Variants in WSCD2 observed in about 807,000 individuals in gnomAD.
WSCD2 encodes WSC domain sialate O sulfotransferase 2, also known as sialate:O-sulfotransferase 2.
WSCD2 carries 28 observed loss-of-function variants against 55.7 expected under a neutral mutation model. The observed-to-expected ratio is 0.50, with a 90% confidence interval of 0.37 to 0.69. The LOEUF (loss-of-function observed/expected upper bound fraction) is 0.69. Ranked by LOEUF, WSCD2 falls within the 30% of genes least tolerant of loss-of-function variation. WSCD2 has a pLI of 0.00. For synonymous variants in WSCD2, 301 were observed against 301.9 expected (o/e 1.00, Z 0.03); for missense variants, 616 against 762.1 (o/e 0.81, Z 2.26).
chr12:108,236,061 C>T (rs959439998), intron 7 of WSCD2, among the ~76,000 whole-genome samples: 14 of 152,210 alleles, frequency 9.2e-5, no homozygotes, highest in Admixed American at 9.2e-4. Flanking sequence ...GTATAATGAG[C>T]TCTTTGTAGT....
chr12:108,186,297 C>T (rs929426222), intron 1 of WSCD2, among the ~76,000 whole-genome samples: 1 of 152,192 alleles, frequency 6.6e-6, no homozygotes, highest in South Asian at 2.1e-4. Flanking sequence ...CAGCCTCCCC[C>T]TCCATCAACA....
intron 1 of WSCD2, among the ~76,000 whole-genome samples, chr12:108,179,452 C>T (rs770302048): frequency 6.6e-5 from 10 of 152,200 alleles, no homozygotes; most frequent in Admixed American, 2.0e-4. Context: ...GCAGCAAGCA[C>T]GTGGCTAATG....
chr12:108,184,651 T>C (rs1011414573), intron 1 of WSCD2, among the ~76,000 whole-genome samples: 3 of 152,090 alleles, frequency 2.0e-5, no homozygotes, highest in African/African-American at 7.2e-5. Flanking sequence ...AGCCCCCGGG[T>C]TCCTCATCTG....
intron 8 of WSCD2, chr12:108,244,699 C>G (rs1252037323): frequency 2.9e-6 from 2 of 682,958 alleles, no homozygotes; most frequent in Non-Finnish European, 2.7e-6. Flanking sequence ...CCCCAGCAGT[C>G]TGACTGCAGA....
rs1886022506 is a variant in WSCD2 at position 108,210,558 on chromosome 12, T to C, written c.682+253T>C. Among the ~76,000 whole-genome samples the C allele has an allele frequency of 6.6e-6, 1 of 152,180 alleles. No individual in the cohort carries two copies. The highest frequency in any genetic ancestry group is 2.1e-4 in the South Asian group (1 of 4,830). The stretch of plus-strand genomic sequence containing the variant: ...CTGGTTCCAGCTGTATCCCTCATTC[T>C]CACCAGTCTTCCTCCTTCTGAAACT... On this transcript the variant is annotated intron_variant, in intron 4 of 8. Coordinates refer to ENST00000547525, the MANE Select transcript of WSCD2 (RefSeq NM_014653.4). This position sits in a 1 kb window ranked among gnomAD's most constrained non-coding sequence, Gnocchi z 4.3.
intron 1 of WSCD2, among the ~76,000 whole-genome samples, chr12:108,148,304 C>T (rs984326956): frequency 2.0e-5 from 3 of 152,208 alleles, no homozygotes; most frequent in Non-Finnish European, 4.4e-5. Context: ...ATTTGAAAAC[C>T]GCTGCACACA....
At chr12:108,156,035 T>A (rs1219809743) in intron 1 of WSCD2, among the ~76,000 whole-genome samples, 4 of 152,242 alleles carry the variant, frequency 2.6e-5, no homozygotes, top group Non-Finnish European at 5.9e-5. Context: ...TGTTCAAATG[T>A]AATATTTTGA....
chr12:108,246,042 TGAGTACAG>T (rs1476304947), intron 8 of WSCD2, among the ~76,000 whole-genome samples: 1 of 152,212 alleles, frequency 6.6e-6, no homozygotes, highest in Non-Finnish European at 1.5e-5. Context: ...GAGCACCTGC[TGAGTACAG>T]GCAGTGGGAG....
At chr12:108,200,994 G>A (rs772285749) in intron 2 of WSCD2, among the ~76,000 whole-genome samples, 3 of 152,206 alleles carry the variant, frequency 2.0e-5, no homozygotes, top group Non-Finnish European at 4.4e-5. Flanking sequence ...TATTTCTTGT[G>A]TCTTCCTTCT....
chr12:108,162,462 T>C (rs542121850), intron 1 of WSCD2, among the ~76,000 whole-genome samples: 1 of 152,340 alleles, frequency 6.6e-6, no homozygotes, highest in Non-Finnish European at 1.5e-5. Flanking sequence ...CAGAGCTTTC[T>C]CATTCCATTT....
intron 1 of WSCD2, among the ~76,000 whole-genome samples, chr12:108,178,940 AC>A (rs942731867): frequency 6.6e-6 from 1 of 152,118 alleles, no homozygotes; most frequent in Non-Finnish European, 1.5e-5. Context: ...AATTCTCACA[AC>A]CTCTGAAGGA....
chr12:108,178,573 G>A (rs1029156683), intron 1 of WSCD2, among the ~76,000 whole-genome samples: 1 of 152,110 alleles, frequency 6.6e-6, no homozygotes, highest in African/African-American at 2.4e-5. Flanking sequence ...ACATGCCAAC[G>A]GGGCTTCAAT....
At chr12:108,190,027 T>C (rs1195022921) in intron 1 of WSCD2, among the ~76,000 whole-genome samples, 1 of 152,240 alleles carries the variant, frequency 6.6e-6, no homozygotes, top group Non-Finnish European at 1.5e-5. Flanking sequence ...GATATATTTG[T>C]ATATATTGAC....
chr12:108,215,360 C>A (rs910220761), intron 4 of WSCD2, among the ~76,000 whole-genome samples: 1 of 152,178 alleles, frequency 6.6e-6, no homozygotes, highest in Non-Finnish European at 1.5e-5. Flanking sequence ...TCTGGTGCTT[C>A]GTCTATAAAA....
intron 7 of WSCD2, among the ~76,000 whole-genome samples, chr12:108,237,527 A>G (rs1889366078): frequency 6.6e-6 from 1 of 152,236 alleles, no homozygotes; most frequent in South Asian, 2.1e-4. Flanking sequence ...TCTGGCTCAA[A>G]GCTTGCATCC....
chr12:108,167,982 T>C (rs1327143631), intron 1 of WSCD2, among the ~76,000 whole-genome samples: 1 of 152,234 alleles, frequency 6.6e-6, no homozygotes, highest in Non-Finnish European at 1.5e-5. Flanking sequence ...TGCAATCAAC[T>C]GATGTCCCAT....
chr12:108,182,301 G>A (rs896119972), intron 1 of WSCD2, among the ~76,000 whole-genome samples: 1 of 152,146 alleles, frequency 6.6e-6, no homozygotes, highest in Non-Finnish European at 1.5e-5. Context: ...TAATTCATGG[G>A]TGCATCTTTC....
intron 1 of WSCD2, among the ~76,000 whole-genome samples, chr12:108,144,789 A>C (rs973148279): frequency 6.6e-6 from 1 of 152,204 alleles, no homozygotes; most frequent in Non-Finnish European, 1.5e-5. Flanking sequence ...CTTTCCCAGC[A>C]CAGCCTCCTT....
intron 1 of WSCD2, among the ~76,000 whole-genome samples, chr12:108,180,715 C>A (rs902350606): frequency 6.6e-6 from 1 of 152,256 alleles, no homozygotes; most frequent in Non-Finnish European, 1.5e-5. Context: ...GAGACCACAG[C>A]TTGAGCCTCC....
Sources: allele counts gnomAD v4.1 joint callset (sites outside exome capture counted in the v4.1 genomes callset), GRCh38; gene constraint gnomAD v4.1.1; non-coding constraint Gnocchi (gnomAD v3.1); transcripts MANE v1.5; gene names NCBI Gene and HGNC (gene_info 2026-07-23, HGNC 2026-07-21).